PPFIA2: variants seen among roughly 807,000 people sequenced by gnomAD.
PPFIA2 encodes the protein PPFI scaffold protein A2, also known as liprin-alpha-2.
Under a neutral mutation model 175.5 loss-of-function variants are expected in PPFIA2, and 46 were observed. The ratio of observed to expected loss-of-function variants is 0.26; its 90% CI spans 0.21 to 0.34. The LOEUF (loss-of-function observed/expected upper bound fraction) is 0.34. Among genes scored for constraint, PPFIA2 ranks in the 10% least tolerant of loss-of-function variants. The pLI is 1.00. For synonymous variants in PPFIA2, 568 were observed against 511.4 expected, an observed-to-expected ratio of 1.11 and a Z score of -1.49; for missense variants, 1,179 against 1,506.1, an observed-to-expected ratio of 0.78 and a Z score of 3.60.
chr12:81,696,648 C>T (rs1328577169), intron 3 of PPFIA2, among the ~76,000 whole-genome samples: 1 of 152,004 alleles, frequency 6.6e-6, no homozygotes, highest in African/African-American at 2.4e-5. Flanking sequence ...TGCATAATGG[C>T]CTCAGCGAAA....
At chr12:81,649,339 C>G (rs2066657069) in intron 4 of PPFIA2, among the ~76,000 whole-genome samples, 2 of 152,062 alleles carry the variant, frequency 1.3e-5, no homozygotes, top group East Asian at 1.9e-4. Context: ...CATTACTTAA[C>G]AAGAAATGGA....
chr12:81,363,278 TATTA>T (rs950465063), intron 14 of PPFIA2, among the ~76,000 whole-genome samples: 5 of 151,152 alleles, frequency 3.3e-5, no homozygotes, highest in African/African-American at 7.3e-5. Context: ...TTTTAAAAAA[TATTA>T]ATTAATTAAT....
chr12:81,277,706 C>A (rs2040895954), intron 27 of PPFIA2, among the ~76,000 whole-genome samples: 1 of 152,046 alleles, frequency 6.6e-6, no homozygotes, highest in Non-Finnish European at 1.5e-5. Context: ...TTTAGCTATT[C>A]CTACATTAGG....
At chr12:81,537,743 C>T (rs1035764239) in intron 4 of PPFIA2, among the ~76,000 whole-genome samples, 42 of 151,912 alleles carry the variant, frequency 2.8e-4, no homozygotes, top group Non-Finnish European at 2.1e-4. Flanking sequence ...ACCAATTTTT[C>T]CAGGGCCTGA....
chr12:81,602,173 G>A (rs1294955315), intron 4 of PPFIA2, among the ~76,000 whole-genome samples: 1 of 151,672 alleles, frequency 6.6e-6, no homozygotes, highest in Non-Finnish European at 1.5e-5. Flanking sequence ...CTCTTGAAAT[G>A]AGCAGCATTC....
intron 14 of PPFIA2, 129 bp from the exon 15 acceptor site, chr12:81,362,913 A>T (rs1389882565): frequency 3.8e-6 from 2 of 524,574 alleles, no homozygotes; most frequent in African/African-American, 3.9e-5. Flanking sequence ...TATTACACAT[A>T]ATAATAAAGC....
At chr12:81,758,366 A>G (rs2085022822) in intron 2 of PPFIA2, 34 bp downstream of exon 2, 1 of 456,266 alleles carries the variant, frequency 2.2e-6, no homozygotes, top group East Asian at 7.0e-5. Context: ...ATACAGCGAA[A>G]GGAGACAGTA....
intron 3 of PPFIA2, among the ~76,000 whole-genome samples, chr12:81,743,594 A>G (rs900458642): frequency 6.6e-6 from 1 of 151,948 alleles, no homozygotes; most frequent in Non-Finnish European, 1.5e-5. Flanking sequence ...GGACCAATTC[A>G]TAATGTAGGA....
chr12:81,341,413 T>A (rs1040515859), intron 19 of PPFIA2, among the ~76,000 whole-genome samples: 1 of 148,244 alleles, frequency 6.7e-6, no homozygotes, highest in Non-Finnish European at 1.5e-5. Flanking sequence ...ACATTAAAAT[T>A]AAAAAAAAAT....
intron 4 of PPFIA2, among the ~76,000 whole-genome samples, chr12:81,547,453 G>A (rs998413887): frequency 1.3e-5 from 2 of 151,382 alleles, no homozygotes; most frequent in Non-Finnish European, 1.5e-5. Flanking sequence ...TCCACTCACC[G>A]CAACCTCTGC....
At chr12:81,739,091 C>T (rs1338264187) in intron 3 of PPFIA2, among the ~76,000 whole-genome samples, 2 of 151,572 alleles carry the variant, frequency 1.3e-5, no homozygotes, top group African/African-American at 2.4e-5. Context: ...AAAATATATG[C>T]TAAAAATAAA....
chr12:81,376,781 C>T (rs1417919898), intron 9 of PPFIA2, among the ~76,000 whole-genome samples: 1 of 152,038 alleles, frequency 6.6e-6, no homozygotes, highest in African/African-American at 2.4e-5. Context: ...TGGGAAGCTT[C>T]TTTGTATAAG....
intron 4 of PPFIA2, among the ~76,000 whole-genome samples, chr12:81,636,391 G>A (rs1458892375): frequency 5.4e-5 from 8 of 148,310 alleles, no homozygotes; most frequent in Middle Eastern, 3.7e-3. Flanking sequence ...TCAGCCTCCC[G>A]AGTAGCTGGG....
At chr12:81,407,391 G>T (rs1019831362) in intron 7 of PPFIA2, among the ~76,000 whole-genome samples, 1 of 151,908 alleles carries the variant, frequency 6.6e-6, no homozygotes, top group South Asian at 2.1e-4. Flanking sequence ...GCTGAGCCAG[G>T]AGAATCCCTT....
chr12:81,547,893 T>C (rs2067244522), intron 4 of PPFIA2, among the ~76,000 whole-genome samples: 1 of 152,156 alleles, frequency 6.6e-6, no homozygotes, highest in Non-Finnish European at 1.5e-5. Context: ...ATGAGAAGAA[T>C]ATTCAAATAC....
At chr12:81,350,213 A>T (rs139315970) in intron 17 of PPFIA2, among the ~76,000 whole-genome samples, 11 of 152,274 alleles carry the variant, frequency 7.2e-5, no homozygotes, top group African/African-American at 2.2e-4. Context: ...GGTAAATTCG[A>T]CCATTAGCTG....
chr12:81,347,587 C>A lies in PPFIA2; in HGVS notation c.2178G>T (p.Lys726Asn). The A allele has an allele frequency of 6.2e-7, 1 of 1,613,718 alleles. No individual in the cohort carries two copies. The highest frequency in any genetic ancestry group is 8.5e-7 in the Non-Finnish European group (1 of 1,179,714). The change falls in exon 18 of 33, where the codon AAG becomes AAT. Residue 726 changes from lysine to asparagine, a missense_variant. Coordinates refer to ENST00000549396, the MANE Select transcript of PPFIA2 (RefSeq NM_003625.5). The stretch of plus-strand genomic sequence containing the variant: ...CCCTGGCAGGGCTTCGAGGGGTGAG[C>A]TTTGGAGTTGAGTGTCCACTGGGGG... The part of the protein sequence containing the change: ...SSPPSGHSTP[K>N]LTPRSPAREM...
At chr12:81,632,974 C>T (rs983749687) in intron 4 of PPFIA2, among the ~76,000 whole-genome samples, 1 of 151,982 alleles carries the variant, frequency 6.6e-6, no homozygotes, top group Non-Finnish European at 1.5e-5. Flanking sequence ...TTAGTTTCTG[C>T]CTGACTAGGA....
intron 17 of PPFIA2, among the ~76,000 whole-genome samples, chr12:81,351,738 T>TA (rs780957364): frequency 0.035 from 3,267 of 92,296 alleles, 73 homozygotes; most frequent in African/African-American, 0.082. Flanking sequence ...TACAAAAAAT[T>TA]AAAAAAAAAA....
Sources: allele counts gnomAD v4.1 joint callset (sites outside exome capture counted in the v4.1 genomes callset), GRCh38; gene constraint gnomAD v4.1.1; transcripts MANE v1.5; gene names NCBI Gene and HGNC (gene_info 2026-07-23, HGNC 2026-07-21).